The following GFRA2 variants were observed in gnomAD, a reference collection of about 807,000 sequenced individuals.
GFRA2 encodes the protein GDNF family receptor alpha 2.
A neutral mutation model predicts 48.3 loss-of-function variants in GFRA2; 17 were observed. That is an observed-to-expected ratio of 0.35 (90% CI 0.24 to 0.53). GFRA2 has a LOEUF of 0.53. GFRA2 is among the 20% of genes least tolerant of loss of function. The pLI, the probability that GFRA2 is intolerant of heterozygous loss-of-function variation, is 0.93. For missense variants in GFRA2, 660 were observed against 637.3 expected, an observed-to-expected ratio of 1.04 and a Z score of -0.38; for synonymous variants, 305 against 257.2, an observed-to-expected ratio of 1.19 and a Z score of -1.78.
chr8:21,715,843 G>A (rs374328527), intron 4 of GFRA2, among the ~76,000 whole-genome samples: 119 of 152,280 alleles, frequency 7.8e-4, no homozygotes, highest in African/African-American at 2.5e-3. Context: ...GCAGCTAACC[G>A]GAGGGAGAAG....
intron 4 of GFRA2, among the ~76,000 whole-genome samples, chr8:21,725,893 T>C (rs915959949): frequency 1.1e-4 from 16 of 152,158 alleles, no homozygotes; most frequent in Non-Finnish European, 1.5e-5. Context: ...GGCAGCAGAA[T>C]CCGAGCAAGA....
At chr8:21,804,437 CA>C (rs35138948) in intron 2 of GFRA2, among the ~76,000 whole-genome samples, 15,928 of 80,548 alleles carry the variant, frequency 0.2, 994 homozygotes, top group African/African-American at 0.31. Flanking sequence ...AAAAAAAAAA[CA>C]AAAAAAAAAC....
intron 4 of GFRA2, among the ~76,000 whole-genome samples, chr8:21,723,860 G>T (rs1246730213): frequency 6.6e-6 from 1 of 152,202 alleles, no homozygotes; most frequent in Admixed American, 6.5e-5. Context: ...CATCTGGGGT[G>T]CTAGGTCAAA....
At chr8:21,796,354 T>C (rs997846708) in intron 2 of GFRA2, among the ~76,000 whole-genome samples, 1 of 152,192 alleles carries the variant, frequency 6.6e-6, no homozygotes, top group African/African-American at 2.4e-5. Context: ...AGAGGGACAA[T>C]GACTCCTCCT....
chr8:21,750,998 G>T lies in GFRA2; in HGVS notation c.440-56C>A. On this transcript the variant is annotated intron_variant, in intron 3 of 8. Transcript: ENST00000524240. The surrounding 1 kb of genome is among the most constrained non-coding windows in gnomAD (Gnocchi z 5.7). ...GCCACACAAGCATGAGGAGGACACA[G>T]CTGCCCCCTCACTGGAAGATGTCTC... 1 of 1,165,848 alleles carries T rather than the reference G, an allele frequency of 8.6e-7. No individual in the cohort carries two copies. 72.2% of individuals were successfully genotyped at this position (1,165,848 alleles called of 1,614,324 possible).
chr8:21,708,687 G>A (rs1217886745), intron 4 of GFRA2, among the ~76,000 whole-genome samples: 1 of 152,154 alleles, frequency 6.6e-6, no homozygotes, highest in Non-Finnish European at 1.5e-5. Flanking sequence ...CAGGAAGAAC[G>A]CCATGAGACA....
intron 7 of GFRA2, among the ~76,000 whole-genome samples, chr8:21,695,057 A>C (rs73672824): frequency 0.01 from 1,582 of 152,346 alleles, 23 homozygotes; most frequent in East Asian, 0.063. Flanking sequence ...ATGATTGATT[A>C]GTGATGTCTG....
chr8:21,792,886 G>A (rs1174890823), upstream of GFRA2, among the ~76,000 whole-genome samples: 3 of 152,002 alleles, frequency 2.0e-5, no homozygotes, highest in African/African-American at 4.8e-5. Context: ...CCAACATGGT[G>A]AAACCCCGTT....
chr8:21,782,826 C>G lies in GFRA2; in HGVS notation c.114G>C (p.Val38=). The change falls in exon 2 of 9, where the codon GTG becomes GTC. Residue 38 remains valine, a synonymous_variant. Coordinates refer to ENST00000524240, the MANE Select transcript of GFRA2 (RefSeq NM_001495.5). ...ACAGCTCATTGGCCCGGACACAGTC[C>G]ACTGGGGGGCGCCAGCCGTGGAGCT... ...GPELHGWRPP[V]DCVRANELCA... 1 of 1,572,392 alleles carries G rather than the reference C, an allele frequency of 6.4e-7. No homozygotes were observed. Among genetic ancestry groups the G allele is most frequent in the Non-Finnish European group, 8.6e-7 (1 of 1,165,566 alleles).
At chr8:21,759,912 A>C (rs567033455) in intron 3 of GFRA2, among the ~76,000 whole-genome samples, 2 of 150,606 alleles carry the variant, frequency 1.3e-5, no homozygotes, top group African/African-American at 2.4e-5. Flanking sequence ...AAAAAGAATG[A>C]CCAGCAAATA....
chr8:21,774,348 A>C (rs1159502425), intron 3 of GFRA2, among the ~76,000 whole-genome samples: 1 of 152,136 alleles, frequency 6.6e-6, no homozygotes, highest in Non-Finnish European at 1.5e-5. Flanking sequence ...ATCACTTCCC[A>C]AGGAGGATGG....
At chr8:21,711,584 C>T (rs1360718766) in intron 4 of GFRA2, among the ~76,000 whole-genome samples, 2 of 152,058 alleles carry the variant, frequency 1.3e-5, no homozygotes, top group Admixed American at 6.6e-5. Context: ...CCATATTAAA[C>T]GAAGAACGTG....
Position 21,784,657 on chromosome 8 carries a change from G to C in GFRA2, c.41-1758C>G, listed in dbSNP as rs1298168166. On this transcript the variant is annotated intron_variant, in intron 1 of 8. Coordinates refer to ENST00000524240, the MANE Select transcript of GFRA2 (RefSeq NM_001495.5). Reference sequence around the variant, plus strand: ...ACAACAGAGAAGAACAGCAGGGATGGGCCTGGGGTACAGAAGGCTTCTTCG... The same window carrying C: ...ACAACAGAGAAGAACAGCAGGGATGCGCCTGGGGTACAGAAGGCTTCTTCG... Among the ~76,000 whole-genome samples the C allele has an allele frequency of 1.3e-5, 2 of 152,294 alleles. 1 individual carries two copies. The highest frequency in any genetic ancestry group is 2.9e-5 in the Non-Finnish European group (2 of 68,022).
At chr8:21,768,499 C>CTTT (rs1806286717) in intron 3 of GFRA2, among the ~76,000 whole-genome samples, 1 of 152,172 alleles carries the variant, frequency 6.6e-6, no homozygotes, top group African/African-American at 2.4e-5. Flanking sequence ...ACATTAAAGC[C>CTTT]TCACCGTCTA....
At chr8:21,702,689 C>G (rs1802539716) in intron 7 of GFRA2, 116 bp downstream of exon 7, 3 of 1,061,296 alleles carry the variant, frequency 2.8e-6, no homozygotes, top group Non-Finnish European at 4.0e-6. Context: ...TCCTCCCTGC[C>G]TCTTGGGTCC....
chr8:21,729,195 T>C (rs1358687709), intron 4 of GFRA2, among the ~76,000 whole-genome samples: 2 of 152,168 alleles, frequency 1.3e-5, no homozygotes, highest in Non-Finnish European at 2.9e-5. Context: ...GCCAGGTGTG[T>C]TGGGTCACGC....
chr8:21,743,588 C>T (rs77200564), intron 4 of GFRA2, among the ~76,000 whole-genome samples: 6,995 of 152,250 alleles, frequency 0.046, 439 homozygotes, highest in African/African-American at 0.15. Context: ...CTCCCCCAAT[C>T]GAACACAATG....
chr8:21,706,045 G>C lies in GFRA2; in HGVS notation c.795-4C>G. 1.3e-6 allele frequency: 2 copies of C among 1,551,798 alleles called. No individual in the cohort carries two copies. Among genetic ancestry groups the C allele is most frequent in the Non-Finnish European group, 1.7e-6 (2 of 1,144,058 alleles). ...ATGGAAGTCGGCCAGCCGGGACCTG[G>C]TGGTGGGTAGAAGACGCAATAGAGA... On this transcript the variant is annotated splice_polypyrimidine_tract_variant and splice_region_variant and intron_variant, in intron 4 of 8. Transcript: ENST00000524240.
At chr8:21,757,407 C>T (rs1805622282) in intron 3 of GFRA2, among the ~76,000 whole-genome samples, 1 of 152,098 alleles carries the variant, frequency 6.6e-6, no homozygotes, top group Non-Finnish European at 1.5e-5. Flanking sequence ...TTATATTGAG[C>T]TGGGTTTACC....
Sources: allele counts gnomAD v4.1 joint callset (sites outside exome capture counted in the v4.1 genomes callset), GRCh38; gene constraint gnomAD v4.1.1; non-coding constraint Gnocchi (gnomAD v3.1); transcripts MANE v1.5; gene names NCBI Gene and HGNC (gene_info 2026-07-23, HGNC 2026-07-21).